EFHB: variants seen among roughly 807,000 people sequenced by gnomAD.
EFHB encodes the protein EF-hand domain family member B, also known as EF-hand domain-containing family member B.
In EFHB, 91 loss-of-function variants were observed where a neutral mutation model predicts 87.2. The ratio of observed to expected loss-of-function variants is 1.04; its 90% CI spans 0.88 to 1.24. EFHB has a LOEUF of 1.24. EFHB is among the 50% of genes most tolerant of loss of function. The pLI is 0.00. For synonymous variants in EFHB, 325 were observed against 333.6 expected (o/e 0.97, Z 0.28); for missense variants, 1,084 against 998.8 (o/e 1.09, Z -1.15).
upstream of EFHB, among the ~76,000 whole-genome samples, chr3:19,934,989 C>A (rs932149778): frequency 2.0e-5 from 3 of 151,902 alleles, no homozygotes; most frequent in African/African-American, 7.3e-5. Context: ...GGGCTCACTG[C>A]AAACTCCGCC....
intron 9 of EFHB, chr3:19,895,041 A>C (rs1315924622): frequency 6.8e-6 from 1 of 147,364 alleles, no homozygotes; most frequent in Non-Finnish European, 1.5e-5. Flanking sequence ...AAATGTTTAT[A>C]TCTATATATT....
In EFHB at chr3:19,921,395, T is replaced by C. The variant is rs561253439; in HGVS notation, c.790-828A>G. 3.2e-4 allele frequency among the ~76,000 whole-genome samples: 49 copies of C among 151,856 alleles called. No homozygotes were observed. The Middle Eastern group carries it at 0.01, about 32-fold the overall frequency. On this transcript the variant is annotated intron_variant, in intron 1 of 12. Coordinates refer to ENST00000295824, the MANE Select transcript of EFHB (RefSeq NM_144715.4). ...CCAGGCAGAAAACTGAATTGCTTTG[T>C]TAAAAAAAAAATGGGAGAAAATATG...
At chr3:19,922,244 T>C (rs1695461410) in intron 1 of EFHB, among the ~76,000 whole-genome samples, 1 of 152,236 alleles carries the variant, frequency 6.6e-6, no homozygotes, top group African/African-American at 2.4e-5. Context: ...TGGATTATTC[T>C]GAGCTGAAGG....
intron 5 of EFHB, among the ~76,000 whole-genome samples, chr3:19,908,528 G>A (rs148478762): frequency 0.014 from 2,003 of 143,232 alleles, 44 homozygotes; most frequent in African/African-American, 0.049. Context: ...GCAAAACTCC[G>A]TCTCAAAAAA....
Position 19,939,370 on chromosome 3 carries a change from C to CTTTTTTTTTTTTTTT in EFHB, c.-31-3051_-31-3037dup, listed in dbSNP as rs147510880. ...TGCCACTCAAACTGGGTTGGGTCTCCTTTTTTTTTTTTTTTTTTTTTTTTT... is the reference window on the plus strand; with the variant it reads ...TGCCACTCAAACTGGGTTGGGTCTCCTTTTTTTTTTTTTTTTTTTTTTTTTTTTTTTTTTTTTTTT... On this transcript the variant is annotated intron_variant, in intron 1 of 14. Transcript: ENST00000344838. 2.0e-4 allele frequency among the ~76,000 whole-genome samples: 13 copies of CTTTTTTTTTTTTTTT among 64,590 alleles called. 4 individuals are homozygous for CTTTTTTTTTTTTTTT. Among genetic ancestry groups the CTTTTTTTTTTTTTTT allele is most frequent in the African/African-American group, 5.0e-4 (8 of 15,856 alleles). The allele number at this position is 64,590 out of a possible 152,430, so 42.4% of individuals were successfully genotyped here. A position where few individuals can be genotyped will look rare whatever the true frequency, so the allele number is the denominator to read the frequency against.
Position 19,897,953 on chromosome 3 carries a change from C to T in EFHB, c.1570+825G>A, listed in dbSNP as rs921582559. Reference sequence around the variant, plus strand: ...AACATTTTTCATAGTGGTTCTTAAACGTTAGTGTATATAAGAACCTACTGA... The same window carrying T: ...AACATTTTTCATAGTGGTTCTTAAATGTTAGTGTATATAAGAACCTACTGA... On this transcript the variant is annotated intron_variant, in intron 8 of 12. Transcript: ENST00000295824. 6.6e-5 allele frequency among the ~76,000 whole-genome samples: 10 copies of T among 152,224 alleles called. 1 individual carries two copies. Among genetic ancestry groups the T allele is most frequent in the South Asian group, 4.1e-4 (2 of 4,820 alleles).
intron 9 of EFHB, among the ~76,000 whole-genome samples, chr3:19,889,774 G>C (rs936957737): frequency 6.6e-6 from 1 of 152,158 alleles, no homozygotes; most frequent in African/African-American, 2.4e-5. Context: ...GCTCATGCCT[G>C]TAATCCCAGC....
intron 1 of EFHB, among the ~76,000 whole-genome samples, chr3:19,922,448 T>C (rs1695468292): frequency 6.6e-6 from 1 of 152,208 alleles, no homozygotes; most frequent in Non-Finnish European, 1.5e-5. Context: ...GATGTGTTTT[T>C]GCAAAGGGGT....
At chr3:19,910,520 G>C (rs1378713512) in intron 5 of EFHB, among the ~76,000 whole-genome samples, 1 of 152,160 alleles carries the variant, frequency 6.6e-6, no homozygotes, top group Admixed American at 6.5e-5. Flanking sequence ...CAGGGCCTGG[G>C]GGACCTCACC....
At chr3:19,890,333 G>A (rs1426520468) in intron 9 of EFHB, among the ~76,000 whole-genome samples, 1 of 152,180 alleles carries the variant, frequency 6.6e-6, no homozygotes, top group Non-Finnish European at 1.5e-5. Context: ...GTAGGACCAA[G>A]GGCTCCAGGT....
chr3:19,937,178 C>A (rs544787884), upstream of EFHB, among the ~76,000 whole-genome samples: 28 of 151,926 alleles, frequency 1.8e-4, 2 homozygotes, highest in East Asian at 5.4e-3. Flanking sequence ...AAAAAAAACA[C>A]AAAAAACTAT....
At chr3:19,912,129 A>G (rs1293462355) in intron 5 of EFHB, among the ~76,000 whole-genome samples, 2 of 152,162 alleles carry the variant, frequency 1.3e-5, no homozygotes, top group East Asian at 3.9e-4. Context: ...TTTAACCCAA[A>G]GAAGACTACC....
intron 8 of EFHB, among the ~76,000 whole-genome samples, chr3:19,897,249 G>A (rs1031658161): frequency 1.3e-5 from 2 of 152,332 alleles, no homozygotes; most frequent in African/African-American, 4.8e-5. Flanking sequence ...TGACTAAACT[G>A]GGAGAGCCTT....
At chr3:19,906,715 A>C (rs1177402958) in intron 5 of EFHB, among the ~76,000 whole-genome samples, 1 of 152,040 alleles carries the variant, frequency 6.6e-6, no homozygotes, top group East Asian at 1.9e-4. Flanking sequence ...AAAAATCTTA[A>C]AAATTTATAT....
chr3:19,893,004 C>T (rs983732435), intron 9 of EFHB, among the ~76,000 whole-genome samples: 31 of 150,680 alleles, frequency 2.1e-4, no homozygotes, highest in African/African-American at 7.1e-4. Context: ...CAGGCTAGAG[C>T]GCAGTGGTGT....
At position 19,879,595 on chromosome 3, in the gene EFHB, T is replaced by C; in HGVS notation, c.*36A>G. On this transcript the variant is annotated 3_prime_UTR_variant, in exon 13 of 13. Transcript: ENST00000295824. ...ACATTTTAGATAAACACAGAGTTAA[T>C]AATTCTTTTGCTTGAATGAATGAAG... 6.6e-7 allele frequency: 1 copy of C among 1,518,482 alleles called. No individual in the cohort carries two copies. The highest frequency in any genetic ancestry group is 1.3e-5 in the South Asian group (1 of 74,204). The allele number at this position is 1,518,482 out of a possible 1,614,324, so 94.1% of individuals were successfully genotyped here.
intron 5 of EFHB, among the ~76,000 whole-genome samples, chr3:19,906,507 AAG>A (rs1179619941): frequency 6.6e-6 from 1 of 152,200 alleles, no homozygotes. Flanking sequence ...AAGGGGGTAA[AAG>A]ACCTGTACAC....
intron 3 of EFHB, 60 bp from the exon 4 acceptor site, chr3:19,918,472 A>G (rs573166970): frequency 1.5e-5 from 22 of 1,449,482 alleles, no homozygotes; most frequent in East Asian, 2.4e-5. Flanking sequence ...CTGAAAATAG[A>G]AACCCTAATC....
At chr3:19,886,187 G>T (rs1473736214) in intron 10 of EFHB, among the ~76,000 whole-genome samples, 1 of 152,152 alleles carries the variant, frequency 6.6e-6, no homozygotes, top group Admixed American at 6.5e-5. Context: ...GAAAGGGTTG[G>T]AGTAGAGCTG....
Sources: allele counts gnomAD v4.1 joint callset (sites outside exome capture counted in the v4.1 genomes callset), GRCh38; gene constraint gnomAD v4.1.1; transcripts MANE v1.5; gene names NCBI Gene and HGNC (gene_info 2026-07-23, HGNC 2026-07-21).